Variants in ABL1 observed in about 807,000 individuals in gnomAD.
ABL1 encodes tyrosine-protein kinase ABL1.
ABL1 carries 11 observed loss-of-function variants against 94.7 expected under a neutral mutation model. The ratio of observed to expected loss-of-function variants is 0.12; its 90% CI spans 0.07 to 0.19. The LOEUF (loss-of-function observed/expected upper bound fraction) is 0.19. Ranked by LOEUF, ABL1 falls within the 10% of genes least tolerant of loss-of-function variation. ABL1 has a pLI of 1.00. For synonymous variants in ABL1, 656 were observed against 622.4 expected (o/e 1.05, Z -0.80); for missense variants, 1,082 against 1,489.4 (o/e 0.73, Z 4.50).
intron 1 of ABL1, among the ~76,000 whole-genome samples, chr9:130,826,485 T>C (rs1157796915): frequency 6.6e-6 from 1 of 152,050 alleles, no homozygotes; most frequent in African/African-American, 2.4e-5. Flanking sequence ...AAGGAGACAG[T>C]AGGGGATAAG....
intron 1 of ABL1, among the ~76,000 whole-genome samples, chr9:130,791,605 C>T (rs1829909316): frequency 6.6e-6 from 1 of 152,130 alleles, no homozygotes; most frequent in South Asian, 2.1e-4. Flanking sequence ...TCCTGGCTTC[C>T]TTCCTTCTCC....
chr9:130,758,985 G>T (rs1487907091), intron 1 of ABL1, among the ~76,000 whole-genome samples: 4 of 152,152 alleles, frequency 2.6e-5, no homozygotes, highest in African/African-American at 9.7e-5. Flanking sequence ...TTTGGCTTTG[G>T]GAAGTGCTTT....
At chr9:130,730,089 G>A (rs536967850) in intron 1 of ABL1, among the ~76,000 whole-genome samples, 3 of 132,370 alleles carry the variant, frequency 2.3e-5, no homozygotes, top group South Asian at 2.4e-4. Flanking sequence ...TGTTGCCCAC[G>A]CTGGAGTGCA....
upstream of ABL1, chr9:130,834,139 G>C (rs1830528362): frequency 6.6e-6 from 3 of 452,672 alleles, no homozygotes; most frequent in African/African-American, 2.0e-5. Context: ...TGAAGAATTG[G>C]GATAATCTGT....
chr9:130,717,841 C>G (rs1001164010), intron 1 of ABL1, among the ~76,000 whole-genome samples: 4 of 151,776 alleles, frequency 2.6e-5, no homozygotes, highest in African/African-American at 9.7e-5. Context: ...TGGAGAAACC[C>G]TGTCTCTACC....
chr9:130,846,081 CTGTGTG>C (rs10554440), intron 1 of ABL1, among the ~76,000 whole-genome samples: 6,578 of 148,116 alleles, frequency 0.044, 482 homozygotes, highest in African/African-American at 0.15. Context: ...AAACGTATGT[CTGTGTG>C]TGTGTGTGTG....
chr9:130,718,745 G>A (rs552911765), intron 1 of ABL1, among the ~76,000 whole-genome samples: 2 of 152,250 alleles, frequency 1.3e-5, no homozygotes, highest in Admixed American at 1.3e-4. Flanking sequence ...TTAGCCAGAC[G>A]TGTTATCACA....
At chr9:130,750,224 T>C in intron 1 of ABL1, among the ~76,000 whole-genome samples, 1 of 130,440 alleles carries the variant, frequency 7.7e-6, no homozygotes, top group East Asian at 2.1e-4. Context: ...TATATATATA[T>C]ATATATATAT....
chr9:130,747,332 T>A (rs778787288), intron 1 of ABL1, among the ~76,000 whole-genome samples: 2 of 151,976 alleles, frequency 1.3e-5, no homozygotes, highest in African/African-American at 2.4e-5. Context: ...GAGCCAAGAT[T>A]GCACCACTGT....
chr9:130,852,929 C>T (rs373801300), intron 1 of ABL1, among the ~76,000 whole-genome samples: 1 of 150,338 alleles, frequency 6.7e-6, no homozygotes, highest in Non-Finnish European at 1.5e-5. Flanking sequence ...GCTGGAAGGA[C>T]GGGTGGGGTG....
At chr9:130,777,236 T>A (rs1829676589) in intron 1 of ABL1, among the ~76,000 whole-genome samples, 1 of 152,246 alleles carries the variant, frequency 6.6e-6, no homozygotes, top group Admixed American at 6.5e-5. Flanking sequence ...AGCAGTCTGG[T>A]AATCCTGGTT....
chr9:130,735,003 G>A (rs779847471), intron 1 of ABL1, among the ~76,000 whole-genome samples: 14 of 151,924 alleles, frequency 9.2e-5, no homozygotes, highest in Non-Finnish European at 1.0e-4. Context: ...GCAGTTTTAC[G>A]ATTTATTTTA....
intron 1 of ABL1, among the ~76,000 whole-genome samples, chr9:130,737,208 G>A (rs1831754958): frequency 6.6e-6 from 1 of 152,190 alleles, no homozygotes; most frequent in East Asian, 1.9e-4. Flanking sequence ...AAGGAGGTGT[G>A]CAGGCATCTT....
intron 1 of ABL1, among the ~76,000 whole-genome samples, chr9:130,787,346 G>A (rs192833393): frequency 2.4e-4 from 36 of 152,206 alleles, no homozygotes; most frequent in African/African-American, 8.2e-4. Context: ...TCTGCCTTCT[G>A]TGTGTGTGTT....
chr9:130,834,151 T>A (rs1415139289), upstream of ABL1: 1 of 450,938 alleles, frequency 2.2e-6, no homozygotes, highest in African/African-American at 2.0e-5. Context: ...ATAATCTGTT[T>A]CCTCACAGAA....
At chr9:130,778,797 C>A (rs1033418151) in intron 1 of ABL1, among the ~76,000 whole-genome samples, 3 of 151,856 alleles carry the variant, frequency 2.0e-5, no homozygotes, top group Non-Finnish European at 2.9e-5. Context: ...AGTGCATGTG[C>A]TCAGTCCACC....
chr9:130,857,678 G>C (rs1356937090), intron 3 of ABL1, among the ~76,000 whole-genome samples: 1 of 149,566 alleles, frequency 6.7e-6, no homozygotes, highest in Non-Finnish European at 1.5e-5. Context: ...TGTACCATAT[G>C]AACATACATA....
chr9:130,856,642 G>A (rs1029991011), intron 3 of ABL1, among the ~76,000 whole-genome samples: 2 of 152,210 alleles, frequency 1.3e-5, no homozygotes, highest in Non-Finnish European at 1.5e-5. Context: ...GGCAAGCACT[G>A]GTACTAGTTC....
chr9:130,790,153 A>G (rs923297242), intron 1 of ABL1, among the ~76,000 whole-genome samples: 5 of 152,266 alleles, frequency 3.3e-5, no homozygotes, highest in African/African-American at 1.2e-4. Flanking sequence ...AAATATGTCT[A>G]TACTCCTACC....
Sources: allele counts gnomAD v4.1 joint callset (sites outside exome capture counted in the v4.1 genomes callset), GRCh38; gene constraint gnomAD v4.1.1; transcripts MANE v1.5; gene names NCBI Gene and HGNC (gene_info 2026-07-23, HGNC 2026-07-21).